Variants in RCOR1 observed in about 807,000 individuals in gnomAD.
RCOR1 encodes REST corepressor 1.
Under a neutral mutation model 64.0 loss-of-function variants are expected in RCOR1, and 12 were observed. The observed-to-expected ratio is 0.19, with a 90% confidence interval of 0.12 to 0.30. The LOEUF (loss-of-function observed/expected upper bound fraction) is 0.30. Among genes scored for constraint, RCOR1 ranks in the 10% least tolerant of loss-of-function variants. The pLI, the probability that RCOR1 is intolerant of heterozygous loss-of-function variation, is 1.00. For missense variants in RCOR1, 502 were observed against 621.2 expected (o/e 0.81, Z 2.04); for synonymous variants, 279 against 227.2 (o/e 1.23, Z -2.05).
At chr14:102,649,744 G>A in intron 2 of RCOR1, 1 of 980,664 alleles carries the variant, frequency 1.0e-6, no homozygotes, top group Non-Finnish European at 1.2e-6. Context: ...TGACCTTCCT[G>A]TAGAGCCATT....
At chr14:102,628,187 G>A (rs1158504877) in intron 2 of RCOR1, among the ~76,000 whole-genome samples, 1 of 152,068 alleles carries the variant, frequency 6.6e-6, no homozygotes, top group East Asian at 1.9e-4. Flanking sequence ...GGCTTTCTGT[G>A]GGTTGTATGA....
At chr14:102,709,819 A>G (rs1229595736) in intron 6 of RCOR1, among the ~76,000 whole-genome samples, 1 of 152,226 alleles carries the variant, frequency 6.6e-6, no homozygotes, top group African/African-American at 2.4e-5. Context: ...TTTACTAAGC[A>G]GCAATCAAAA....
chr14:102,720,464 G>A (rs1485995476), intron 8 of RCOR1, among the ~76,000 whole-genome samples: 2 of 152,180 alleles, frequency 1.3e-5, no homozygotes, highest in African/African-American at 4.8e-5. Context: ...TAGACTTCTG[G>A]AAATCTCACT....
At chr14:102,686,311 A>T (rs1029379561) in intron 3 of RCOR1, among the ~76,000 whole-genome samples, 1 of 152,192 alleles carries the variant, frequency 6.6e-6, no homozygotes, top group African/African-American at 2.4e-5. Flanking sequence ...CTTCACAGCT[A>T]AATTGAGCAG....
intron 3 of RCOR1, among the ~76,000 whole-genome samples, chr14:102,692,339 T>C (rs1332340085): frequency 6.6e-6 from 1 of 152,168 alleles, no homozygotes; most frequent in Non-Finnish European, 1.5e-5. Context: ...CCTGTGGTTA[T>C]GTAGGACAGT....
intron 2 of RCOR1, among the ~76,000 whole-genome samples, chr14:102,613,401 C>CT (rs548380570): frequency 6.4e-4 from 95 of 149,322 alleles, no homozygotes; most frequent in African/African-American, 1.4e-3. Context: ...CGCACCTGGC[C>CT]TTTTTTTTTC....
chr14:102,647,968 C>T (rs1894510151), intron 2 of RCOR1, among the ~76,000 whole-genome samples: 1 of 152,212 alleles, frequency 6.6e-6, no homozygotes, highest in Admixed American at 6.5e-5. Flanking sequence ...CATATACCAC[C>T]ATGCTCGGCC....
chr14:102,693,396 C>T (rs754763159), intron 3 of RCOR1, among the ~76,000 whole-genome samples: 1 of 151,504 alleles, frequency 6.6e-6, no homozygotes, highest in Non-Finnish European at 1.5e-5. Context: ...ATAATTTCAA[C>T]ATAAACAATA....
intron 2 of RCOR1, among the ~76,000 whole-genome samples, chr14:102,679,318 G>A (rs1555465912): frequency 6.6e-6 from 1 of 151,952 alleles, no homozygotes; most frequent in Non-Finnish European, 1.5e-5. Flanking sequence ...TTAAAAAAAT[G>A]TTTGTTTTGT....
At chr14:102,685,683 T>C (rs889450786) in intron 3 of RCOR1, among the ~76,000 whole-genome samples, 1 of 152,118 alleles carries the variant, frequency 6.6e-6, no homozygotes, top group African/African-American at 2.4e-5. Flanking sequence ...AGAAGAGGGC[T>C]GAGTGCGGTG....
rs927922042 is a variant in RCOR1 at position 102,726,540 on chromosome 14, A to G, written c.*34A>G. The G allele has an allele frequency of 3.2e-6, 5 of 1,563,572 alleles. No homozygotes were observed. The African/African-American group carries it at 5.5e-5, about 17-fold the overall frequency. On this transcript the variant is annotated 3_prime_UTR_variant, in exon 12 of 12. Transcript: ENST00000262241. ...TGGCTTTGAACACTTGGTGTGGACTACTGTGTTATCCGGGATATCAGGTAT... is the reference window on the plus strand; with the variant it reads ...TGGCTTTGAACACTTGGTGTGGACTGCTGTGTTATCCGGGATATCAGGTAT...
Position 102,707,475 on chromosome 14 carries a change from G to C in RCOR1, c.623G>C (p.Ser208Thr). Reference protein sequence around the residue: ...EDKVLFEQAFSFHGKTFHRIQ... With the variant: ...EDKVLFEQAFTFHGKTFHRIQ... The stretch of plus-strand genomic sequence containing the variant: ...AAAGTCTTATTTGAGCAAGCCTTTA[G>C]TTTTCATGGGAAAACTTTTCATAGA... The change falls in exon 5 of 12, where the codon AGT becomes ACT. Residue 208 changes from serine (S) to threonine (T), a missense_variant. Around this residue, in one of 2 missense-constraint regions of RCOR1, gnomAD observed 260 missense variants for 416.4 expected, o/e 0.62. Transcript: ENST00000262241. 18 of 1,609,484 alleles carry C rather than the reference G, an allele frequency of 1.1e-5. No homozygotes were observed. Among genetic ancestry groups the C allele is most frequent in the Non-Finnish European group, 1.4e-5 (17 of 1,178,748 alleles).
intron 3 of RCOR1, among the ~76,000 whole-genome samples, chr14:102,692,474 CTTATTT>C (rs1238279279): frequency 6.6e-6 from 1 of 151,760 alleles, no homozygotes; most frequent in African/African-American, 2.4e-5. Flanking sequence ...CACACACACG[CTTATTT>C]TTATTATTAA....
rs185159637 is a variant in RCOR1, at chr14:102,661,245, G to A, written c.362-20650G>A. 2.4e-3 allele frequency among the ~76,000 whole-genome samples: 364 copies of A among 152,306 alleles called. 2 individuals are homozygous for A. The highest frequency in any genetic ancestry group is 8.3e-3 in the African/African-American group (346 of 41,562). Reference sequence around the variant, plus strand: ...TACCTGTAGTCCTAGCTACTTGGGAGTCCAAGGTGGGAGGATTGCCTCAAC... The same window carrying A: ...TACCTGTAGTCCTAGCTACTTGGGAATCCAAGGTGGGAGGATTGCCTCAAC... On this transcript the variant is annotated intron_variant, in intron 2 of 11. Coordinates refer to ENST00000262241, the MANE Select transcript of RCOR1 (RefSeq NM_015156.4).
At chr14:102,690,773 G>T (rs186825949) in intron 3 of RCOR1, among the ~76,000 whole-genome samples, 36 of 152,144 alleles carry the variant, frequency 2.4e-4, no homozygotes, top group African/African-American at 8.7e-4. Flanking sequence ...ACCGGACATC[G>T]TATTATCTAC....
intron 2 of RCOR1, chr14:102,662,552 C>T (rs1184418786): frequency 8.3e-6 from 4 of 484,038 alleles, no homozygotes; most frequent in East Asian, 1.1e-4. Context: ...CCCCTGGAGT[C>T]GCAGTGTTTT....
intron 3 of RCOR1, among the ~76,000 whole-genome samples, chr14:102,691,991 C>A (rs538505621): frequency 1.7e-4 from 26 of 152,184 alleles, no homozygotes; most frequent in Non-Finnish European, 1.6e-4. Context: ...GTTTACACTG[C>A]TACCAGCAAA....
At chr14:102,636,470 A>G (rs1457053917) in intron 2 of RCOR1, among the ~76,000 whole-genome samples, 2 of 151,556 alleles carry the variant, frequency 1.3e-5, no homozygotes, top group Non-Finnish European at 2.9e-5. Flanking sequence ...TACTAGAGAT[A>G]GGGTTTCACT....
chr14:102,635,543 T>C (rs1894217362), intron 2 of RCOR1, among the ~76,000 whole-genome samples: 1 of 152,172 alleles, frequency 6.6e-6, no homozygotes, highest in South Asian at 2.1e-4. Flanking sequence ...TTAAAATATG[T>C]ATATACATAT....
Sources: allele counts gnomAD v4.1 joint callset (sites outside exome capture counted in the v4.1 genomes callset), GRCh38; gene constraint gnomAD v4.1.1; regional missense constraint gnomAD v4.1.1; transcripts MANE v1.5; gene names NCBI Gene and HGNC (gene_info 2026-07-23, HGNC 2026-07-21).